The following ZNF469 variants were observed in gnomAD, a reference collection of about 807,000 sequenced individuals.
ZNF469 encodes the protein zinc finger protein 469.
In ZNF469, 1 loss-of-function variant was observed where a neutral mutation model predicts 1.0. The observed-to-expected ratio is 1.00, with a 90% CI of 0.35 to 4.73. The LOEUF (loss-of-function observed/expected upper bound fraction) is 4.73, where lower values mean the gene tolerates loss of function less well. Among genes scored for constraint, ZNF469 ranks in the 30% most tolerant of loss-of-function variants. The pLI is 0.16. For synonymous variants in ZNF469, 2,703 were observed against 2,363.4 expected, an observed-to-expected ratio of 1.14 and a Z score of -4.17; for missense variants, 6,100 against 5,356.3, an observed-to-expected ratio of 1.14 and a Z score of -4.33.
In ZNF469 at chr16:88,439,093, T is replaced by C; in HGVS notation, c.11623T>C (p.Ser3875Pro). 6.5e-7 allele frequency: 1 copy of C among 1,550,200 alleles called. No homozygotes were observed. Among genetic ancestry groups the C allele is most frequent in the Non-Finnish European group, 8.7e-7 (1 of 1,146,830 alleles). Residue 3875 changes from serine to proline, a missense_variant, in exon 3 of 3, where the codon TCA becomes CCA. Transcript: ENST00000565624. The part of the protein sequence containing the change: ...NSQNKPRPPP[S>P]EQRKAEPGHT... Reference sequence around the variant, plus strand: ...CCAGAACAAACCCAGGCCGCCACCATCAGAGCAGCGGAAGGCAGAGCCGGG... The same window carrying C: ...CCAGAACAAACCCAGGCCGCCACCACCAGAGCAGCGGAAGGCAGAGCCGGG...
chr16:88,337,860 G>A, the ZNF469 span, among the ~76,000 whole-genome samples: 34 of 152,306 alleles, frequency 2.2e-4, no homozygotes, highest in Admixed American at 6.5e-4. Flanking sequence ...TGAGTTGTGC[G>A]TGCTCTGTGT....
the ZNF469 span, among the ~76,000 whole-genome samples, chr16:88,245,874 AC>A: frequency 2.0e-5 from 3 of 152,284 alleles, no homozygotes; most frequent in African/African-American, 7.2e-5. Context: ...TGTCCCGGTG[AC>A]AAAGGCAGCC....
the ZNF469 span, among the ~76,000 whole-genome samples, chr16:88,285,248 G>A: frequency 1.5e-3 from 227 of 152,362 alleles, no homozygotes; most frequent in African/African-American, 5.0e-3. Flanking sequence ...CCCGCCTCCC[G>A]CAATGGAGCT....
At chr16:88,322,568 G>A in the ZNF469 span, among the ~76,000 whole-genome samples, 1 of 152,246 alleles carries the variant, frequency 6.6e-6, no homozygotes, top group African/African-American at 2.4e-5. Flanking sequence ...GTCCGGTGAT[G>A]CTGGAGGGGG....
chr16:88,249,359 G>A, the ZNF469 span, among the ~76,000 whole-genome samples: 1 of 149,566 alleles, frequency 6.7e-6, no homozygotes, highest in African/African-American at 2.5e-5. Context: ...TCCCAAGCAG[G>A]ACTCCCAAGA....
chr16:88,257,345 T>C, the ZNF469 span, among the ~76,000 whole-genome samples: 3 of 152,044 alleles, frequency 2.0e-5, no homozygotes, highest in Non-Finnish European at 4.4e-5. Flanking sequence ...GCCCACTTTT[T>C]AAATTGGGTT....
the ZNF469 span, among the ~76,000 whole-genome samples, chr16:88,321,304 A>G: frequency 1.3e-5 from 2 of 152,268 alleles, no homozygotes; most frequent in African/African-American, 2.4e-5. Context: ...GGCAGAATCC[A>G]CCATCCCAGG....
the ZNF469 span, among the ~76,000 whole-genome samples, chr16:88,145,161 C>CAA: frequency 1.3e-3 from 186 of 146,886 alleles, no homozygotes; most frequent in African/African-American, 3.5e-3. Context: ...TTAACGATTA[C>CAA]AAAAAAAAAA....
the ZNF469 span, among the ~76,000 whole-genome samples, chr16:88,330,517 A>T: frequency 6.6e-6 from 1 of 152,146 alleles, no homozygotes. Flanking sequence ...CAAAACAATG[A>T]CGTGTTGTGG....
At chr16:88,381,766 G>A (rs1303758627), upstream of ZNF469, among the ~76,000 whole-genome samples, 2 of 152,238 alleles carry the variant, frequency 1.3e-5, no homozygotes, top group South Asian at 2.1e-4. Context: ...CATGTGCTGC[G>A]ATGCCAGCAC....
At chr16:88,414,853 C>A (rs1905263987) in intron 1 of ZNF469, among the ~76,000 whole-genome samples, 1 of 152,266 alleles carries the variant, frequency 6.6e-6, no homozygotes, top group Non-Finnish European at 1.5e-5. Flanking sequence ...CCCTGCCTTC[C>A]CAGGGCCATG....
the ZNF469 span, among the ~76,000 whole-genome samples, chr16:88,118,368 C>A: frequency 5.3e-5 from 8 of 152,214 alleles, no homozygotes; most frequent in Non-Finnish European, 5.9e-5. Context: ...CTCTCCATAG[C>A]CCCACCCTGA....
the ZNF469 span, among the ~76,000 whole-genome samples, chr16:88,301,682 T>A: frequency 6.6e-6 from 1 of 152,218 alleles, no homozygotes; most frequent in Non-Finnish European, 1.5e-5. Flanking sequence ...TGAGATGCCG[T>A]CCCTGTGGGC....
the ZNF469 span, among the ~76,000 whole-genome samples, chr16:88,106,322 G>A: frequency 1.5e-4 from 23 of 152,318 alleles, 1 homozygote; most frequent in Admixed American, 1.5e-3. Context: ...TCAGCACAGG[G>A]ATTCCTGAAG....
At chr16:88,246,557 C>T in the ZNF469 span, among the ~76,000 whole-genome samples, 21 of 152,232 alleles carry the variant, frequency 1.4e-4, no homozygotes, top group South Asian at 1.0e-3. Flanking sequence ...TCGCCAAGAG[C>T]GCTTGCTAAA....
the ZNF469 span, among the ~76,000 whole-genome samples, chr16:88,173,705 G>T: frequency 6.6e-6 from 1 of 152,168 alleles, no homozygotes; most frequent in African/African-American, 2.4e-5. Flanking sequence ...AATGAGGGTT[G>T]GGGGAATGGA....
At chr16:88,133,319 G>A in the ZNF469 span, among the ~76,000 whole-genome samples, 45 of 152,312 alleles carry the variant, frequency 3.0e-4, no homozygotes, top group African/African-American at 1.0e-3. Context: ...CATTCCCAGC[G>A]CTTGGCAGCT....
chr16:88,193,240 G>T, the ZNF469 span, among the ~76,000 whole-genome samples: 1 of 137,352 alleles, frequency 7.3e-6, no homozygotes, highest in Non-Finnish European at 1.6e-5. Context: ...GGGGATGGTG[G>T]TGGTGGTGAT....
the ZNF469 span, among the ~76,000 whole-genome samples, chr16:88,148,416 G>A: frequency 3.9e-5 from 6 of 152,158 alleles, no homozygotes; most frequent in Non-Finnish European, 8.8e-5. Flanking sequence ...TGGCCCTGGC[G>A]CGGTGCCTCC....
Sources: allele counts gnomAD v4.1 joint callset (sites outside exome capture counted in the v4.1 genomes callset), GRCh38; gene constraint gnomAD v4.1.1; transcripts MANE v1.5; gene names NCBI Gene and HGNC (gene_info 2026-07-23, HGNC 2026-07-21).